SRGAP3: variants seen among roughly 807,000 people sequenced by gnomAD.
The protein encoded by SRGAP3 is SLIT-ROBO Rho GTPase activating protein 3.
Under a neutral mutation model 121.1 loss-of-function variants are expected in SRGAP3, and 39 were observed. That is an observed-to-expected ratio of 0.32 (90% CI 0.25 to 0.42). The LOEUF is 0.42. Among genes scored for constraint, SRGAP3 ranks in the 10% least tolerant of loss-of-function variants. The pLI, the probability that SRGAP3 is intolerant of heterozygous loss-of-function variation, is 1.00. For missense variants in SRGAP3, 1,213 were observed against 1,470.6 expected (o/e 0.82, Z 2.86); for synonymous variants, 601 against 570.0 (o/e 1.05, Z -0.77).
At chr3:9,330,953 C>A (rs1955595934) in intron 1 of SRGAP3, among the ~76,000 whole-genome samples, 2 of 152,190 alleles carry the variant, frequency 1.3e-5, no homozygotes. Flanking sequence ...AACTAGGTTA[C>A]AGTTCATCCA....
At chr3:9,313,167 C>G (rs1322702999) in intron 3 of SRGAP3, among the ~76,000 whole-genome samples, 2 of 152,166 alleles carry the variant, frequency 1.3e-5, no homozygotes, top group Admixed American at 1.3e-4. Context: ...TGCTCAAACA[C>G]TAAGCCCCCG....
At position 9,124,792 on chromosome 3, in the gene SRGAP3, G is replaced by A. The variant is rs775461160; in HGVS notation, c.193C>T (p.Arg65Cys). ...RKAEIELEYS[R>C]SLEKLAERFS... Reference sequence around the variant, plus strand: ...CGCTCAGCCAGCTTCTCCAGGCTGCGGGAGTACTCGAGCTCAATCTCAGCT... The same window carrying A: ...CGCTCAGCCAGCTTCTCCAGGCTGCAGGAGTACTCGAGCTCAATCTCAGCT... Residue 65 changes from arginine to cysteine, a missense_variant, in exon 2 of 22, where the codon CGC (arginine) becomes TGC (cysteine). Physicochemically the swap from Arg to Cys is radical, Grantham distance 180. Around this residue, in one of 2 missense-constraint regions of SRGAP3, gnomAD observed 793 missense variants for 1,032.9 expected, o/e 0.77. Coordinates refer to ENST00000383836, the MANE Select transcript of SRGAP3 (RefSeq NM_014850.4). 4 of 1,614,206 alleles carry A rather than the reference G, an allele frequency of 2.5e-6. No homozygotes were observed. Among genetic ancestry groups the A allele is most frequent in the Non-Finnish European group, 3.4e-6 (4 of 1,180,044 alleles).
chr3:9,132,004 A>T (rs1490694402), intron 1 of SRGAP3, among the ~76,000 whole-genome samples: 2 of 152,180 alleles, frequency 1.3e-5, no homozygotes, highest in Non-Finnish European at 2.9e-5. Flanking sequence ...CACCGTATGG[A>T]GAGCAAGATT....
intron 10 of SRGAP3, among the ~76,000 whole-genome samples, chr3:9,043,808 T>C (rs1266325364): frequency 2.6e-5 from 4 of 152,212 alleles, no homozygotes; most frequent in Non-Finnish European, 5.9e-5. Flanking sequence ...GAAAAGGTCA[T>C]GCTCCTTCCC....
intron 3 of SRGAP3, among the ~76,000 whole-genome samples, chr3:9,291,945 C>T (rs930735211): frequency 6.6e-6 from 1 of 152,178 alleles, no homozygotes; most frequent in Non-Finnish European, 1.5e-5. Flanking sequence ...AGAGCCTCTT[C>T]TCTTTGTCCA....
chr3:9,040,751 G>A (rs1176200633), intron 10 of SRGAP3, among the ~76,000 whole-genome samples: 1 of 151,992 alleles, frequency 6.6e-6, no homozygotes, highest in Non-Finnish European at 1.5e-5. Context: ...TAGAGATGAG[G>A]TCTTACTATG....
rs1208925036 is a variant in SRGAP3, at chr3:9,249,104, A to AAATCCT, written c.-159_-154dup. 1.0e-5 allele frequency: 8 copies of AAATCCT among 769,532 alleles called. No individual in the cohort carries two copies. Among genetic ancestry groups the AAATCCT allele is most frequent in the Admixed American group, 2.1e-5 (1 of 46,720 alleles). The allele number at this position is 769,532 out of a possible 1,614,324, so 47.7% of individuals were successfully genotyped here. A position where few individuals can be genotyped will look rare whatever the true frequency, so the allele number is the denominator to read the frequency against. The stretch of plus-strand genomic sequence containing the variant: ...TCACTTGGCTGCAGAGCAGGGAGAA[A>AAATCCT]AATCCTTCTCCTTCTGGAAGGAAAA... On this transcript the variant is annotated 5_prime_UTR_variant, in exon 1 of 22. Transcript: ENST00000383836.
chr3:9,354,938 T>C (rs1303555329), intron 1 of SRGAP3, among the ~76,000 whole-genome samples: 15 of 152,206 alleles, frequency 9.9e-5, no homozygotes. Context: ...TCTAGCAAGA[T>C]CCATTTTAGT....
chr3:9,224,609 AAC>A (rs1434987959), intron 1 of SRGAP3, among the ~76,000 whole-genome samples: 1 of 152,238 alleles, frequency 6.6e-6, no homozygotes, highest in Non-Finnish European at 1.5e-5. Flanking sequence ...CGAGTCCTTA[AAC>A]AGAGAGATAA....
intron 3 of SRGAP3, among the ~76,000 whole-genome samples, chr3:9,321,403 A>G (rs1432731902): frequency 6.6e-6 from 1 of 151,964 alleles, no homozygotes; most frequent in African/African-American, 2.4e-5. Flanking sequence ...ATAGCAATAG[A>G]TAACTAATAC....
intron 3 of SRGAP3, among the ~76,000 whole-genome samples, chr3:9,085,041 T>G (rs556054839): frequency 1.2e-4 from 19 of 152,382 alleles, no homozygotes; most frequent in Middle Eastern, 3.4e-3. Context: ...TTATGTCTTC[T>G]CTGCACTTGT....
intron 1 of SRGAP3, among the ~76,000 whole-genome samples, chr3:9,190,548 G>A (rs1171302379): frequency 6.6e-6 from 1 of 152,178 alleles, no homozygotes; most frequent in Non-Finnish European, 1.5e-5. Flanking sequence ...AGAAGAGAAA[G>A]AGGCGCCCAT....
At chr3:9,150,755 A>C (rs1432454416) in intron 1 of SRGAP3, among the ~76,000 whole-genome samples, 1 of 152,222 alleles carries the variant, frequency 6.6e-6, no homozygotes, top group African/African-American at 2.4e-5. Context: ...GGAAAAAAAA[A>C]GGGAAAAAGA....
In SRGAP3 at chr3:9,014,066, C is replaced by T. The variant is rs1259544279; in HGVS notation, c.1814-224G>A. On this transcript the variant is annotated intron_variant, in intron 15 of 21. Coordinates refer to ENST00000383836, the MANE Select transcript of SRGAP3 (RefSeq NM_014850.4). ...GGCCTAATCAAGAACCAATCAGAGTCGACTCTCCGGACTTGGTTGTGAGAA... is the reference window on the plus strand; with the variant it reads ...GGCCTAATCAAGAACCAATCAGAGTTGACTCTCCGGACTTGGTTGTGAGAA... The T allele has an allele frequency of 1.0e-5, 6 of 596,748 alleles. 1 individual carries two copies. Among genetic ancestry groups the T allele is most frequent in the East Asian group, 9.0e-5 (3 of 33,516 alleles). The allele number at this position is 596,748 out of a possible 1,614,324, so 37.0% of individuals were successfully genotyped here. A position where few individuals can be genotyped will look rare whatever the true frequency, so the allele number is the denominator to read the frequency against.
chr3:9,104,130 A>G (rs2124911094), intron 3 of SRGAP3, among the ~76,000 whole-genome samples: 1 of 152,358 alleles, frequency 6.6e-6, no homozygotes, highest in African/African-American at 2.4e-5. Context: ...ATGTTATAGA[A>G]ATATACTATT....
At chr3:9,299,329 C>T (rs1296807955) in intron 3 of SRGAP3, among the ~76,000 whole-genome samples, 1 of 148,878 alleles carries the variant, frequency 6.7e-6, no homozygotes, top group Non-Finnish European at 1.5e-5. Context: ...CCACTGCACT[C>T]CAGCCTGGTG....
intron 17 of SRGAP3, among the ~76,000 whole-genome samples, chr3:9,011,463 CCT>C (rs1375507750): frequency 2.0e-5 from 3 of 152,218 alleles, no homozygotes; most frequent in Non-Finnish European, 4.4e-5. Context: ...TCACCATTCC[CCT>C]GTCACACATG....
intron 2 of SRGAP3, among the ~76,000 whole-genome samples, chr3:9,330,160 T>G (rs1002413922): frequency 3.9e-5 from 6 of 152,200 alleles, no homozygotes; most frequent in Non-Finnish European, 5.9e-5. Flanking sequence ...TAGCCAATGA[T>G]TTTTCCTAAG....
chr3:9,201,391 C>T (rs1464364307), intron 1 of SRGAP3, among the ~76,000 whole-genome samples: 1 of 152,202 alleles, frequency 6.6e-6, no homozygotes, highest in Non-Finnish European at 1.5e-5. Context: ...TAAGTGGTTC[C>T]AGGAGAAAAT....
Sources: allele counts gnomAD v4.1 joint callset (sites outside exome capture counted in the v4.1 genomes callset), GRCh38; gene constraint gnomAD v4.1.1; regional missense constraint gnomAD v4.1.1; transcripts MANE v1.5; gene names NCBI Gene and HGNC (gene_info 2026-07-23, HGNC 2026-07-21).